The following KIAA1549L variants were observed in gnomAD, a reference collection of about 807,000 sequenced individuals.
KIAA1549L encodes KIAA1549 like.
A neutral mutation model predicts 160.7 loss-of-function variants in KIAA1549L; 88 were observed. The ratio of observed to expected loss-of-function variants is 0.55; its 90% CI spans 0.46 to 0.65. KIAA1549L has a LOEUF of 0.65. Among genes scored for constraint, KIAA1549L ranks in the 30% least tolerant of loss-of-function variants. The probability of loss-of-function intolerance (pLI) is 0.00; values close to 1 mark genes in which losing one functional copy is unlikely to be tolerated. For missense variants in KIAA1549L, 2,258 were observed against 2,437.5 expected (o/e 0.93, Z 1.55); for synonymous variants, 950 against 976.7 (o/e 0.97, Z 0.51).
intron 1 of KIAA1549L, among the ~76,000 whole-genome samples, chr11:33,511,621 C>T (rs1299588756): frequency 6.6e-6 from 1 of 152,146 alleles, no homozygotes; most frequent in Non-Finnish European, 1.5e-5. Context: ...AAATGCAGAG[C>T]CTTGGTGCCT....
chr11:33,405,839 C>CAAAAAAAAAAAAAA, intron 1 of KIAA1549L, among the ~76,000 whole-genome samples: 1 of 68,872 alleles, frequency 1.5e-5, no homozygotes, highest in South Asian at 7.8e-4. Flanking sequence ...CAGTCTGTCT[C>CAAAAAAAAAAAAAA]AAAAAAAAAA....
intron 14 of KIAA1549L, among the ~76,000 whole-genome samples, chr11:33,608,721 G>A (rs1850571164): frequency 6.6e-6 from 1 of 152,228 alleles, no homozygotes; most frequent in Admixed American, 6.5e-5. Context: ...GAGCAAATCA[G>A]CATCTTCCTT....
chr11:33,492,107 C>T (rs1045476156), intron 1 of KIAA1549L, among the ~76,000 whole-genome samples: 1 of 152,170 alleles, frequency 6.6e-6, no homozygotes, highest in Non-Finnish European at 1.5e-5. Context: ...TGGCTCATGC[C>T]TGTAATCCCA....
At chr11:33,403,592 A>T (rs1215825346) in intron 1 of KIAA1549L, 1 of 152,268 alleles carries the variant, frequency 6.6e-6, no homozygotes, top group Non-Finnish European at 1.5e-5. Flanking sequence ...ACACACCGAC[A>T]CGCAAAGGGA....
intron 20 of KIAA1549L, among the ~76,000 whole-genome samples, chr11:33,666,018 G>A (rs969061295): frequency 6.6e-6 from 1 of 152,184 alleles, no homozygotes; most frequent in African/African-American, 2.4e-5. Flanking sequence ...GCTCCGTGGA[G>A]GGGGAAGGCC....
chr11:33,658,917 C>T lies in KIAA1549L; in HGVS notation c.6007+19C>T, dbSNP rs372429428. ...TACTCAGGTGGGCAAGAGAAAAGCC[C>T]GAGTGTGCCCCCCACCACTGCTGCT... is the stretch of plus-strand genomic sequence containing the variant. On this transcript the variant is annotated intron_variant, in intron 19 of 20. Coordinates refer to ENST00000658780, the MANE Select transcript of KIAA1549L (RefSeq NM_012194.3). 180 of 1,531,478 alleles carry T rather than the reference C, an allele frequency of 1.2e-4. No homozygotes were observed. Among genetic ancestry groups the T allele is most frequent in the Non-Finnish European group, 1.5e-4 (170 of 1,136,108 alleles). 94.9% of individuals were successfully genotyped at this position (1,531,478 alleles called of 1,614,324 possible).
intron 1 of KIAA1549L, among the ~76,000 whole-genome samples, chr11:33,456,604 G>A (rs948774113): frequency 2.6e-4 from 39 of 152,060 alleles, no homozygotes; most frequent in Non-Finnish European, 3.7e-4. Context: ...TAGAGACAGG[G>A]TTTCACCATG....
chr11:33,572,709 G>C (rs1164580313), intron 9 of KIAA1549L, among the ~76,000 whole-genome samples: 1 of 152,124 alleles, frequency 6.6e-6, no homozygotes, highest in African/African-American at 2.4e-5. Context: ...TTCTTCTGTT[G>C]GTATACACCT....
At chr11:33,511,628 G>C (rs1853229303) in intron 1 of KIAA1549L, among the ~76,000 whole-genome samples, 1 of 152,200 alleles carries the variant, frequency 6.6e-6, no homozygotes, top group South Asian at 2.1e-4. Context: ...GAGCCTTGGT[G>C]CCTAGGATGG....
intron 1 of KIAA1549L, among the ~76,000 whole-genome samples, chr11:33,530,474 T>C (rs926412421): frequency 9.5e-6 from 1 of 105,486 alleles, no homozygotes; most frequent in Non-Finnish European, 2.0e-5. Flanking sequence ...TATATATATA[T>C]ATATATATAT....
intron 1 of KIAA1549L, among the ~76,000 whole-genome samples, chr11:33,450,263 C>A (rs1023616027): frequency 1.3e-5 from 2 of 152,070 alleles, no homozygotes; most frequent in African/African-American, 2.4e-5. Context: ...AAAGACGTAT[C>A]CGTAGAAAAC....
intron 1 of KIAA1549L, among the ~76,000 whole-genome samples, chr11:33,473,072 A>G (rs1590270901): frequency 2.6e-5 from 4 of 152,304 alleles, no homozygotes; most frequent in African/African-American, 7.2e-5. Context: ...TGAAAGAACA[A>G]ATAAATCAAA....
intron 1 of KIAA1549L, among the ~76,000 whole-genome samples, chr11:33,480,576 G>T (rs1412785165): frequency 6.6e-6 from 1 of 152,122 alleles, no homozygotes; most frequent in Non-Finnish European, 1.5e-5. Flanking sequence ...CTGTGTGTTT[G>T]GGATGGTGAT....
chr11:33,506,732 G>C (rs1853100209), intron 1 of KIAA1549L, among the ~76,000 whole-genome samples: 1 of 148,694 alleles, frequency 6.7e-6, no homozygotes, highest in Non-Finnish European at 1.5e-5. Context: ...AAAAAAAATT[G>C]AACAACAACA....
At chr11:33,661,778 G>C (rs369431446) in intron 20 of KIAA1549L, among the ~76,000 whole-genome samples, 7 of 150,090 alleles carry the variant, frequency 4.7e-5, no homozygotes, top group African/African-American at 1.7e-4. Flanking sequence ...TACTGGGGAA[G>C]CTGAAGCAGG....
chr11:33,443,202 G>C (rs1851544378), intron 1 of KIAA1549L, among the ~76,000 whole-genome samples: 1 of 152,182 alleles, frequency 6.6e-6, no homozygotes, highest in Non-Finnish European at 1.5e-5. Context: ...GTCTTGTTAT[G>C]TTGCCCAGGC....
chr11:33,465,694 T>A (rs142033158), intron 1 of KIAA1549L, among the ~76,000 whole-genome samples: 480 of 152,224 alleles, frequency 3.2e-3, no homozygotes, highest in Non-Finnish European at 5.0e-3. Context: ...ACACCACATA[T>A]CTACAACCAT....
chr11:33,498,353 C>A (rs970787376), intron 1 of KIAA1549L, among the ~76,000 whole-genome samples: 2 of 152,186 alleles, frequency 1.3e-5, no homozygotes, highest in Non-Finnish European at 2.9e-5. Flanking sequence ...TTCCTGCTCT[C>A]ATTGGAATAC....
intron 14 of KIAA1549L, among the ~76,000 whole-genome samples, chr11:33,608,072 C>T (rs1297831645): frequency 6.6e-6 from 1 of 152,150 alleles, no homozygotes; most frequent in East Asian, 1.9e-4. Flanking sequence ...CTTACTACAG[C>T]CTACCAGAGA....
Sources: allele counts gnomAD v4.1 joint callset (sites outside exome capture counted in the v4.1 genomes callset), GRCh38; gene constraint gnomAD v4.1.1; transcripts MANE v1.5; gene names NCBI Gene and HGNC (gene_info 2026-07-23, HGNC 2026-07-21).